CCDC88C: variants seen among roughly 807,000 people sequenced by gnomAD.
CCDC88C encodes the protein coiled-coil and HOOK domain protein 88C.
CCDC88C carries 131 observed loss-of-function variants against 198.8 expected under a neutral mutation model. The observed-to-expected ratio is 0.66, with a 90% CI of 0.57 to 0.76. CCDC88C has a LOEUF of 0.76. Ranked by LOEUF, CCDC88C falls within the 30% of genes least tolerant of loss-of-function variation. The probability of loss-of-function intolerance (pLI) is 0.00; values close to 1 mark genes in which losing one functional copy is unlikely to be tolerated. For missense variants in CCDC88C, 2,553 were observed against 2,631.6 expected, an observed-to-expected ratio of 0.97 and a Z score of 0.65; for synonymous variants, 1,166 against 1,114.7, an observed-to-expected ratio of 1.05 and a Z score of -0.92.
chr14:91,349,562 G>A (rs987011334), intron 4 of CCDC88C, among the ~76,000 whole-genome samples: 3 of 152,136 alleles, frequency 2.0e-5, no homozygotes, highest in African/African-American at 7.2e-5. Context: ...ACATCAGACC[G>A]GACACACTCC....
At chr14:91,332,863 T>C (rs1892892869) in intron 10 of CCDC88C, among the ~76,000 whole-genome samples, 1 of 152,078 alleles carries the variant, frequency 6.6e-6, no homozygotes, top group Non-Finnish European at 1.5e-5. Context: ...GTACAAGCAG[T>C]CAAGTAAGAC....
At chr14:91,285,825 T>TG in intron 25 of CCDC88C, 3 of 1,288,020 alleles carry the variant, frequency 2.3e-6, no homozygotes, top group Non-Finnish European at 3.0e-6. Context: ...GGACTCTTTT[T>TG]GCGCGGAGGT....
Position 91,339,403 on chromosome 14 carries a change from G to T in CCDC88C, c.684C>A (p.Pro228=). ...DYLQAQHPPS[P]IKSSSADSTP... Reference sequence around the variant, plus strand: ...TGGAGTCGGCGCTGGAGGACTTGATGGGGCTGGGTGGATGCTGTGCCTGCA... The same window carrying T: ...TGGAGTCGGCGCTGGAGGACTTGATTGGGCTGGGTGGATGCTGTGCCTGCA... Residue 228 remains proline, a synonymous_variant, in exon 8 of 30, where the codon CCC becomes CCA. Coordinates refer to ENST00000389857, the MANE Select transcript of CCDC88C (RefSeq NM_001080414.4). The surrounding 1 kb of genome is among the most constrained non-coding windows in gnomAD (Gnocchi z 5.8). 2 of 1,612,670 alleles carry T rather than the reference G, an allele frequency of 1.2e-6. No homozygotes were observed. The highest frequency in any genetic ancestry group is 2.2e-5 in the South Asian group (2 of 90,980).
rs989861792 is a variant in CCDC88C at position 91,371,051 on chromosome 14, T to C, written c.271-11340A>G. 6.6e-6 allele frequency among the ~76,000 whole-genome samples: 1 copy of C among 152,060 alleles called. No individual in the cohort carries two copies. The highest frequency in any genetic ancestry group is 2.4e-5 in the African/African-American group (1 of 41,392). On this transcript the variant is annotated intron_variant, in intron 3 of 29. Coordinates refer to ENST00000389857, the MANE Select transcript of CCDC88C (RefSeq NM_001080414.4). The surrounding 1 kb of genome is among the most constrained non-coding windows in gnomAD (Gnocchi z 4.2). ...AGGACTTCAAGGATTAGGCTAAGGA[T>C]GGAGAGAGCAGGACCCTTTCCCCAC...
chr14:91,274,555 C>G (rs949880215), intron 29 of CCDC88C, among the ~76,000 whole-genome samples: 1 of 152,312 alleles, frequency 6.6e-6, no homozygotes, highest in East Asian at 1.9e-4. Context: ...GTTGGTAGCT[C>G]AGGAGCCATC....
At position 91,352,762 on chromosome 14, in the gene CCDC88C, C is replaced by T. The variant is rs369692090; in HGVS notation, c.340+6880G>A. On this transcript the variant is annotated intron_variant, in intron 4 of 29. Coordinates refer to ENST00000389857, the MANE Select transcript of CCDC88C (RefSeq NM_001080414.4). This position sits in a 1 kb window ranked among gnomAD's most constrained non-coding sequence, Gnocchi z 4.2. ...GAATGGCTCATGAAGCCTGAGTGGCCGACCCTCAGCCTCCACACCACACGG... is the reference window on the plus strand; with the variant it reads ...GAATGGCTCATGAAGCCTGAGTGGCTGACCCTCAGCCTCCACACCACACGG... 9.2e-5 allele frequency among the ~76,000 whole-genome samples: 14 copies of T among 152,072 alleles called. No individual in the cohort carries two copies. The highest frequency in any genetic ancestry group is 1.9e-4 in the East Asian group (1 of 5,176).
intron 3 of CCDC88C, among the ~76,000 whole-genome samples, chr14:91,389,258 G>A (rs1056482733): frequency 2.6e-5 from 4 of 152,146 alleles, no homozygotes; most frequent in Admixed American, 6.5e-5. Flanking sequence ...GGCTTCCTCC[G>A]AGTCCAAACG....
intron 18 of CCDC88C, among the ~76,000 whole-genome samples, chr14:91,306,374 G>A (rs1240844073): frequency 1.3e-5 from 2 of 152,214 alleles, no homozygotes; most frequent in African/African-American, 2.4e-5. Context: ...CATTATGTGA[G>A]ACTAATAAAG....
chr14:91,417,592 G>A (rs1208812686), intron 1 of CCDC88C, 39 bp downstream of exon 1: 4 of 1,559,482 alleles, frequency 2.6e-6, no homozygotes, highest in South Asian at 2.3e-5. Flanking sequence ...GAGAGAAGCC[G>A]GTGCACCAAC....
rs1893142784 is a variant in CCDC88C at position 91,338,242 on chromosome 14, T to C, written c.892-79A>G. The C allele has an allele frequency of 2.3e-5, 36 of 1,544,290 alleles. No homozygotes were observed. Among genetic ancestry groups the C allele is most frequent in the Non-Finnish European group, 3.1e-5 (35 of 1,132,450 alleles). Reference sequence around the variant, plus strand: ...GCAGAAAGGCCATTGCCCTTCTGCATGGTGTCTCCACGACGGCCCAGGACA... The same window carrying C: ...GCAGAAAGGCCATTGCCCTTCTGCACGGTGTCTCCACGACGGCCCAGGACA... On this transcript the variant is annotated intron_variant, in intron 9 of 29. Transcript: ENST00000389857. The surrounding 1 kb of genome is among the most constrained non-coding windows in gnomAD (Gnocchi z 4.8).
chr14:91,324,291 G>A (rs1004846739), intron 12 of CCDC88C, among the ~76,000 whole-genome samples: 1 of 152,344 alleles, frequency 6.6e-6, no homozygotes, highest in South Asian at 2.1e-4. Context: ...AAGAACCTGG[G>A]TCTCCGGGGC....
At chr14:91,317,734 AGT>A (rs1892164324) in intron 13 of CCDC88C, among the ~76,000 whole-genome samples, 1 of 152,128 alleles carries the variant, frequency 6.6e-6, no homozygotes, top group Non-Finnish European at 1.5e-5. Flanking sequence ...ACGACCAGAG[AGT>A]GTGTGCCAAG....
intron 3 of CCDC88C, among the ~76,000 whole-genome samples, chr14:91,391,182 A>G (rs1185402598): frequency 6.6e-6 from 1 of 151,920 alleles, no homozygotes; most frequent in Non-Finnish European, 1.5e-5. Flanking sequence ...GACCCAGGGA[A>G]TGCAGAACAC....
intron 3 of CCDC88C, among the ~76,000 whole-genome samples, chr14:91,382,243 G>A (rs925437290): frequency 4.6e-5 from 7 of 152,022 alleles, no homozygotes; most frequent in South Asian, 2.1e-4. Flanking sequence ...AAATCTCAAC[G>A]CAGAGGCCTC....
In CCDC88C at chr14:91,284,790, A is replaced by G. The variant is rs755178268; in HGVS notation, c.4442-1273T>C. Reference sequence around the variant, plus strand: ...ACTGATACTAATCTTTCCTTTTAATACATTTAACTACAAACTGTGAATCAA... The same window carrying G: ...ACTGATACTAATCTTTCCTTTTAATGCATTTAACTACAAACTGTGAATCAA... On this transcript the variant is annotated intron_variant, in intron 25 of 29. Transcript: ENST00000389857. The surrounding 1 kb of genome is among the most constrained non-coding windows in gnomAD (Gnocchi z 4.1). Among the ~76,000 whole-genome samples, 2 of 152,226 alleles carry G rather than the reference A, an allele frequency of 1.3e-5. No individual in the cohort carries two copies. Among genetic ancestry groups the G allele is most frequent in the Non-Finnish European group, 2.9e-5 (2 of 68,036 alleles).
chr14:91,277,978 C>A lies in CCDC88C; in HGVS notation c.5002G>T (p.Glu1668Ter), dbSNP rs1439907549. 1 of 1,558,948 alleles carries A rather than the reference C, an allele frequency of 6.4e-7. No individual in the cohort carries two copies. The highest frequency in any genetic ancestry group is 2.4e-5 in the East Asian group (1 of 41,896). The change falls in exon 29 of 30, where the codon GAG becomes TAG. Residue 1668 changes from glutamate to a stop codon, truncating the protein, a stop_gained. Coordinates refer to ENST00000389857, the MANE Select transcript of CCDC88C (RefSeq NM_001080414.4). LOFTEE classifies it high-confidence loss of function. ...VRPCSASPSS[E>*]MVTLEEFLEE... ...AGGAACTCCTCCAAGGTGACCATCT[C>A]ACTGCTGGGGGAGGCCGAGCAGGGC...
chr14:91,342,565 C>G, intron 5 of CCDC88C, 102 bp from the exon 6 acceptor site: 1 of 756,272 alleles, frequency 1.3e-6, no homozygotes, highest in South Asian at 1.5e-5. Context: ...ACCACCCACC[C>G]CGGGCTTCTC....
chr14:91,412,436 T>G (rs563319210), intron 2 of CCDC88C, among the ~76,000 whole-genome samples: 2 of 62,616 alleles, frequency 3.2e-5, no homozygotes, highest in South Asian at 7.3e-4. Flanking sequence ...TTGTGTATTT[T>G]TTTCTTTTTT....
At chr14:91,336,458 G>A (rs1794107667) in intron 10 of CCDC88C, among the ~76,000 whole-genome samples, 1 of 152,270 alleles carries the variant, frequency 6.6e-6, no homozygotes, top group East Asian at 1.9e-4. Flanking sequence ...TCCCCTATGT[G>A]CAGGAGGAGC....
Sources: allele counts gnomAD v4.1 joint callset (sites outside exome capture counted in the v4.1 genomes callset), GRCh38; gene constraint gnomAD v4.1.1; non-coding constraint Gnocchi (gnomAD v3.1); transcripts MANE v1.5; gene names NCBI Gene and HGNC (gene_info 2026-07-23, HGNC 2026-07-21).